AKAP10: variants seen among roughly 807,000 people sequenced by gnomAD.
AKAP10 encodes the protein A-kinase anchor protein 10, mitochondrial.
A neutral mutation model predicts 80.8 loss-of-function variants in AKAP10; 24 were observed. The observed-to-expected ratio is 0.30, with a 90% confidence interval of 0.22 to 0.42. AKAP10 has a LOEUF of 0.42. Among genes scored for constraint, AKAP10 ranks in the 10% least tolerant of loss-of-function variants. The pLI is 1.00. For missense variants in AKAP10, 661 were observed against 794.9 expected (o/e 0.83, Z 2.03); for synonymous variants, 291 against 277.7 (o/e 1.05, Z -0.48).
chr17:19,954,789 G>A (rs1421782247), intron 4 of AKAP10, among the ~76,000 whole-genome samples: 1 of 151,628 alleles, frequency 6.6e-6, no homozygotes, highest in Non-Finnish European at 1.5e-5. Flanking sequence ...CATGGCACCT[G>A]GCCAACCACA....
At position 19,916,794 on chromosome 17, in the gene AKAP10, G is replaced by A. The variant is rs186556911; in HGVS notation, c.1834+3242C>T. ...CTTCTAAAAATACAAAAAATTAGCCGGGCGTGGTGGCGAGCGCCTGTGGTC... is the reference window on the plus strand; with the variant it reads ...CTTCTAAAAATACAAAAAATTAGCCAGGCGTGGTGGCGAGCGCCTGTGGTC... On this transcript the variant is annotated intron_variant, in intron 12 of 14. Coordinates refer to ENST00000225737, the MANE Select transcript of AKAP10 (RefSeq NM_007202.4). Among the ~76,000 whole-genome samples, 430 of 151,304 alleles carry A rather than the reference G, an allele frequency of 2.8e-3. 1 individual carries two copies. The highest frequency in any genetic ancestry group is 4.4e-3 in the Non-Finnish European group (297 of 67,876).
chr17:19,905,805 C>G lies in AKAP10; in HGVS notation c.*422G>C, dbSNP rs76927580. The G allele has an allele frequency of 5.1e-3, 805 of 157,702 alleles. 14 individuals are homozygous for G. In the East Asian group the frequency reaches 0.07, roughly 14 times the overall value. The allele number at this position is 157,702 out of a possible 1,614,324, so 9.8% of individuals were successfully genotyped here. ...ACCTGCTTTGGAAGGACAAAGCAAACCACCTCTGGCACCTGCTTTACAATG... is the reference window on the plus strand; with the variant it reads ...ACCTGCTTTGGAAGGACAAAGCAAAGCACCTCTGGCACCTGCTTTACAATG... On this transcript the variant is annotated 3_prime_UTR_variant, in exon 15 of 15. Transcript: ENST00000225737.
intron 1 of AKAP10, among the ~76,000 whole-genome samples, chr17:19,977,289 AAC>A (rs1392839956): frequency 2.6e-5 from 4 of 152,212 alleles, no homozygotes; most frequent in African/African-American, 9.6e-5. Context: ...TCCTCAAAGA[AAC>A]ACAAAAAAAC....
chr17:19,974,054 T>C (rs769155375), intron 1 of AKAP10, among the ~76,000 whole-genome samples: 5 of 152,108 alleles, frequency 3.3e-5, no homozygotes, highest in Non-Finnish European at 5.9e-5. Context: ...TAGCTGGTCA[T>C]GGTGGCGCAT....
At chr17:19,950,381 C>T (rs1470719423) in intron 4 of AKAP10, among the ~76,000 whole-genome samples, 7 of 152,354 alleles carry the variant, frequency 4.6e-5, no homozygotes, top group African/African-American at 9.6e-5. Context: ...ACTGTACTGC[C>T]GCCATCTCGG....
At chr17:19,957,352 G>A (rs1317754225) in intron 4 of AKAP10, among the ~76,000 whole-genome samples, 2 of 151,518 alleles carry the variant, frequency 1.3e-5, no homozygotes, top group African/African-American at 2.4e-5. Flanking sequence ...CCATCCTGGC[G>A]AACATGGTGA....
Position 19,905,553 on chromosome 17 carries a change from G to C in AKAP10, c.*674C>G, listed in dbSNP as rs1340161576. On this transcript the variant is annotated 3_prime_UTR_variant, in exon 15 of 15. Transcript: ENST00000225737. ...CCCTTCTGTTAGCAGGGGAGAGAAT[G>C]GTTTTAAGTATAGTGCATCTCAGGA... The C allele has an allele frequency of 6.6e-6, 1 of 152,538 alleles. No individual in the cohort carries two copies. The highest frequency in any genetic ancestry group is 2.4e-5 in the African/African-American group (1 of 41,426). 9.4% of individuals were successfully genotyped at this position (152,538 alleles called of 1,614,324 possible).
chr17:19,959,163 A>G (rs2043319652), intron 3 of AKAP10, among the ~76,000 whole-genome samples: 1 of 152,094 alleles, frequency 6.6e-6, no homozygotes, highest in Non-Finnish European at 1.5e-5. Context: ...CAGACTACAT[A>G]AATTCTTAAG....
chr17:19,965,592 C>G (rs1453803111), intron 2 of AKAP10, among the ~76,000 whole-genome samples: 3 of 152,162 alleles, frequency 2.0e-5, no homozygotes, highest in Non-Finnish European at 2.9e-5. Context: ...AAATAAGAAG[C>G]TGGGCTGGTA....
At chr17:19,951,088 C>A (rs995306897) in intron 4 of AKAP10, among the ~76,000 whole-genome samples, 1 of 127,290 alleles carries the variant, frequency 7.9e-6, no homozygotes, top group Non-Finnish European at 1.7e-5. Context: ...GCCCGGTCTG[C>A]GAAGTGAGGA....
intron 8 of AKAP10, 49 bp downstream of exon 8, chr17:19,939,664 T>A: frequency 6.3e-7 from 1 of 1,579,600 alleles, no homozygotes; most frequent in Non-Finnish European, 8.6e-7. Flanking sequence ...ACAAAACATA[T>A]CAAATGTTCA....
chr17:19,920,747 G>T (rs1301204055), intron 11 of AKAP10, among the ~76,000 whole-genome samples: 1 of 150,284 alleles, frequency 6.7e-6, no homozygotes, highest in African/African-American at 2.5e-5. Flanking sequence ...GGAGGCTAAG[G>T]CAGGAGAATT....
At chr17:19,973,880 G>C (rs898829887) in intron 1 of AKAP10, among the ~76,000 whole-genome samples, 10 of 152,204 alleles carry the variant, frequency 6.6e-5, no homozygotes, top group Non-Finnish European at 1.3e-4. Context: ...GTTCAAAGAT[G>C]TACTAAAGTT....
rs1371430421 is a variant in AKAP10, at chr17:19,946,264, TA to T, written c.976+1142del. On this transcript the variant is annotated intron_variant, in intron 5 of 14. Transcript: ENST00000225737. ...ATATATATATATATATATATATATA[TA>T]TATATATATATTTTTTTTTTTTTTT... 1.2e-3 allele frequency among the ~76,000 whole-genome samples: 39 copies of T among 31,318 alleles called. 1 individual carries two copies. The highest frequency in any genetic ancestry group is 3.7e-3 in the African/African-American group (29 of 7,788). The allele number at this position is 31,318 out of a possible 152,430, so 20.5% of individuals were successfully genotyped here.
At chr17:19,920,196 T>C (rs1386147606) in intron 11 of AKAP10, 78 bp from the exon 12 acceptor site, 6 of 1,107,284 alleles carry the variant, frequency 5.4e-6, no homozygotes, top group Non-Finnish European at 8.0e-6. Flanking sequence ...ATTTAAAGCG[T>C]TTCATCTAAA....
At position 19,971,228 on chromosome 17, in the gene AKAP10, G is replaced by C. The variant is rs189631762; in HGVS notation, c.89-2767C>G. Among the ~76,000 whole-genome samples the C allele has an allele frequency of 4.4e-3, 661 of 151,788 alleles. 4 individuals are homozygous for C. Among genetic ancestry groups the C allele is most frequent in the African/African-American group, 0.016 (642 of 41,402 alleles). ...CACATCTTTAAAAATCACGCAAATG[G>C]CTGAGCACGGTGGCTCACGCCTGTA... On this transcript the variant is annotated intron_variant, in intron 1 of 14. Coordinates refer to ENST00000225737, the MANE Select transcript of AKAP10 (RefSeq NM_007202.4).
chr17:19,973,120 T>C (rs2043520590), intron 1 of AKAP10, among the ~76,000 whole-genome samples: 1 of 152,128 alleles, frequency 6.6e-6, no homozygotes, highest in Non-Finnish European at 1.5e-5. Flanking sequence ...GCTGGAATTA[T>C]AGACACCCAC....
intron 1 of AKAP10, among the ~76,000 whole-genome samples, chr17:19,970,488 C>T (rs1466014996): frequency 6.6e-6 from 1 of 152,160 alleles, no homozygotes; most frequent in African/African-American, 2.4e-5. Context: ...TATGAATCAC[C>T]ACCTGACCCT....
rs1247737573 is a variant in AKAP10 at position 19,958,124 on chromosome 17, C to A, written c.767G>T (p.Gly256Val). Residue 256 changes from glycine (G) to valine (V), a missense_variant, in exon 4 of 15, where the codon GGA becomes GTA. Physicochemically the swap from Gly to Val is moderately radical, Grantham distance 109. Coordinates refer to ENST00000225737, the MANE Select transcript of AKAP10 (RefSeq NM_007202.4). The part of the protein sequence containing the change: ...HSLRLEMARA[G>V]THQVSMETQE... ...GGTTTCCATGGAAACTTGGTGAGTT[C>A]CTGCTCTGGCCATTTCAAGACGGAG... The A allele has an allele frequency of 6.2e-7, 1 of 1,614,000 alleles. No individual in the cohort carries two copies. The highest frequency in any genetic ancestry group is 8.5e-7 in the Non-Finnish European group (1 of 1,180,022).
Sources: gnomAD v4.1 joint callset for allele counts (sites outside exome capture counted in the v4.1 genomes callset) on GRCh38, gnomAD v4.1.1 for gene constraint, MANE v1.5 for transcripts, NCBI Gene and HGNC (gene_info 2026-07-23, HGNC 2026-07-21) for gene names.